KAZN: variants seen among roughly 807,000 people sequenced by gnomAD.
KAZN encodes kazrin, periplakin interacting protein.
KAZN carries 40 observed loss-of-function variants against 87.4 expected under a neutral mutation model. The observed-to-expected ratio is 0.46, with a 90% CI of 0.36 to 0.60. The LOEUF (loss-of-function observed/expected upper bound fraction) is 0.60, where lower values mean the gene tolerates loss of function less well. Ranked by LOEUF, KAZN falls within the 20% of genes least tolerant of loss-of-function variation. The pLI is 0.00. For missense variants in KAZN, 898 were observed against 1,073.9 expected (o/e 0.84, Z 2.29); for synonymous variants, 466 against 458.3 (o/e 1.02, Z -0.22).
At chr1:14,045,905 A>G (rs16853497) in intron 1 of KAZN, among the ~76,000 whole-genome samples, 9,517 of 152,226 alleles carry the variant, frequency 0.063, 994 homozygotes, top group African/African-American at 0.22. Flanking sequence ...CCACAATGCT[A>G]TTATTTTCCT....
At chr1:13,927,104 T>C (rs1166722360) in intron 1 of KAZN, among the ~76,000 whole-genome samples, 1 of 152,240 alleles carries the variant, frequency 6.6e-6, no homozygotes, top group Non-Finnish European at 1.5e-5. Context: ...AGCAGGATTC[T>C]TGTTTTTGTG....
At chr1:14,070,398 A>G (rs1643203619) in intron 1 of KAZN, among the ~76,000 whole-genome samples, 1 of 152,166 alleles carries the variant, frequency 6.6e-6, no homozygotes, top group South Asian at 2.1e-4. Flanking sequence ...ATTCCAGTAC[A>G]CCCTAATCAG....
intron 2 of KAZN, among the ~76,000 whole-genome samples, chr1:14,399,891 G>A (rs1293318787): frequency 1.3e-5 from 2 of 152,094 alleles, no homozygotes; most frequent in African/African-American, 4.8e-5. Flanking sequence ...CTTGAAGATG[G>A]CATTTATACC....
chr1:14,066,111 A>G (rs563773190), intron 1 of KAZN, among the ~76,000 whole-genome samples: 1 of 152,358 alleles, frequency 6.6e-6, no homozygotes, highest in African/African-American at 2.4e-5. Context: ...TACTTCACTT[A>G]GAATAATGGC....
At chr1:14,587,009 A>C (rs1382349648) in intron 2 of KAZN, among the ~76,000 whole-genome samples, 2 of 152,238 alleles carry the variant, frequency 1.3e-5, no homozygotes, top group Non-Finnish European at 2.9e-5. Flanking sequence ...TATGAGAACC[A>C]CAGAATGCTC....
chr1:14,025,748 T>C (rs1641041979), intron 1 of KAZN, among the ~76,000 whole-genome samples: 1 of 152,200 alleles, frequency 6.6e-6, no homozygotes, highest in Non-Finnish European at 1.5e-5. Flanking sequence ...ATTATAATTG[T>C]ATTAAATTTA....
At chr1:14,518,697 G>T (rs1671424443) in intron 2 of KAZN, among the ~76,000 whole-genome samples, 1 of 152,144 alleles carries the variant, frequency 6.6e-6, no homozygotes, top group Admixed American at 6.5e-5. Context: ...TCCCGTCCAG[G>T]CTCCAGCACT....
At chr1:14,541,891 C>T (rs1672832894) in intron 2 of KAZN, among the ~76,000 whole-genome samples, 1 of 152,152 alleles carries the variant, frequency 6.6e-6, no homozygotes, top group South Asian at 2.1e-4. Context: ...ATCTGATGAT[C>T]GGGAGCAGCC....
chr1:14,551,164 G>A (rs1300074995), intron 2 of KAZN, among the ~76,000 whole-genome samples: 1 of 152,168 alleles, frequency 6.6e-6, no homozygotes, highest in Admixed American at 6.5e-5. Context: ...GCCCTTGGCA[G>A]TCAACTTCAG....
At chr1:14,375,417 G>A (rs530461914) in intron 2 of KAZN, among the ~76,000 whole-genome samples, 1 of 152,250 alleles carries the variant, frequency 6.6e-6, no homozygotes, top group South Asian at 2.1e-4. Context: ...TAAAATAGGT[G>A]TCTTGTATTT....
chr1:14,716,512 C>A (rs1642802753), intron 1 of KAZN, among the ~76,000 whole-genome samples: 1 of 152,162 alleles, frequency 6.6e-6, no homozygotes. Flanking sequence ...CATAATCCTT[C>A]CCTTGGACCA....
chr1:14,056,645 A>T (rs1642573122), intron 1 of KAZN, among the ~76,000 whole-genome samples: 1 of 152,226 alleles, frequency 6.6e-6, no homozygotes, highest in African/African-American at 2.4e-5. Context: ...GTCACCGATA[A>T]GGAGACCGAA....
chr1:14,419,352 T>C (rs1185706716), intron 2 of KAZN, among the ~76,000 whole-genome samples: 1 of 152,300 alleles, frequency 6.6e-6, no homozygotes, highest in South Asian at 2.1e-4. Context: ...CTTTCCACCC[T>C]GCCCGGCCAT....
chr1:14,817,491 C>T (rs762311744), intron 1 of KAZN, among the ~76,000 whole-genome samples: 2 of 152,176 alleles, frequency 1.3e-5, no homozygotes, highest in Admixed American at 6.5e-5. Flanking sequence ...TGATATGGCA[C>T]AAACATTACT....
intron 2 of KAZN, among the ~76,000 whole-genome samples, chr1:15,032,711 A>C (rs1671852822): frequency 6.6e-6 from 1 of 151,862 alleles, no homozygotes; most frequent in African/African-American, 2.4e-5. Flanking sequence ...CACTTTGAGA[A>C]GCTGAGGCAG....
rs59407472 is a variant in KAZN at position 14,752,109 on chromosome 1, G to T, written c.226+152886G>T. On this transcript the variant is annotated intron_variant, in intron 1 of 14. Transcript: ENST00000376030. ...AGGAAGCAAGAGAGAGAGGTGAGGT[G>T]TCAGGCTCGTTTTAACAACCAGCTT... 7.6e-3 allele frequency among the ~76,000 whole-genome samples: 1,155 copies of T among 152,264 alleles called. 12 individuals are homozygous for T. Among genetic ancestry groups the T allele is most frequent in the African/African-American group, 0.026 (1,090 of 41,556 alleles).
intron 2 of KAZN, among the ~76,000 whole-genome samples, chr1:14,999,962 G>A (rs938754687): frequency 1.3e-5 from 2 of 152,130 alleles, no homozygotes; most frequent in African/African-American, 4.8e-5. Context: ...AATAATGCCC[G>A]CCCCCCAAGA....
intron 2 of KAZN, among the ~76,000 whole-genome samples, chr1:14,961,774 G>A (rs1232820243): frequency 2.0e-5 from 3 of 152,226 alleles, no homozygotes; most frequent in Non-Finnish European, 4.4e-5. Flanking sequence ...CTTTAAAAAT[G>A]TTGTTTCTGA....
intron 1 of KAZN, among the ~76,000 whole-genome samples, chr1:14,930,737 G>A (rs891304580): frequency 2.6e-5 from 4 of 152,216 alleles, no homozygotes; most frequent in Admixed American, 6.5e-5. Context: ...GTCAGCTGAC[G>A]ATTCCCCGGG....
Sources: allele counts gnomAD v4.1 joint callset (sites outside exome capture counted in the v4.1 genomes callset), GRCh38; gene constraint gnomAD v4.1.1; transcripts MANE v1.5; gene names NCBI Gene and HGNC (gene_info 2026-07-23, HGNC 2026-07-21).